MGAT4D: variants seen among roughly 807,000 people sequenced by gnomAD.
The protein encoded by MGAT4D is MGAT4 family member D.
A neutral mutation model predicts 15.9 loss-of-function variants in MGAT4D; 34 were observed. That is an observed-to-expected ratio of 2.14 (90% confidence interval 1.62 to 2.84). The LOEUF (loss-of-function observed/expected upper bound fraction) is 2.84. Among genes scored for constraint, MGAT4D ranks in the 30% most tolerant of loss-of-function variants. The pLI, the probability that MGAT4D is intolerant of heterozygous loss-of-function variation, is 0.00. For synonymous variants in MGAT4D, 112 were observed against 48.2 expected (o/e 2.33, Z -5.49); for missense variants, 327 against 140.2 (o/e 2.33, Z -6.73).
chr4:140,492,240 C>T (rs1733549146), intron 1 of MGAT4D, among the ~76,000 whole-genome samples: 1 of 151,970 alleles, frequency 6.6e-6, no homozygotes, highest in East Asian at 1.9e-4. Flanking sequence ...ACCACTGTGT[C>T]GGGAGAGGAG....
chr4:140,454,968 A>AT (rs1004509943), intron 9 of MGAT4D, among the ~76,000 whole-genome samples: 4 of 152,004 alleles, frequency 2.6e-5, no homozygotes, highest in East Asian at 1.9e-4. Context: ...GATAACCTGT[A>AT]TTTTTTGTCA....
At chr4:140,484,527 C>A (rs929811932) in intron 1 of MGAT4D, among the ~76,000 whole-genome samples, 1 of 152,098 alleles carries the variant, frequency 6.6e-6, no homozygotes, top group Non-Finnish European at 1.5e-5. Flanking sequence ...AAAGCAATAG[C>A]AACAAAAGCC....
intron 2 of MGAT4D, among the ~76,000 whole-genome samples, chr4:140,481,831 A>C (rs1413727715): frequency 6.6e-6 from 1 of 152,232 alleles, no homozygotes; most frequent in Non-Finnish European, 1.5e-5. Flanking sequence ...GGGATGCATA[A>C]GGCAGGACTT....
chr4:140,478,835 C>A (rs1578695900), intron 3 of MGAT4D, among the ~76,000 whole-genome samples: 2 of 151,714 alleles, frequency 1.3e-5, no homozygotes, highest in South Asian at 4.2e-4. Context: ...ATCTCTGTTG[C>A]AACTACTCAG....
chr4:140,490,316 A>G (rs1161256391), intron 1 of MGAT4D, among the ~76,000 whole-genome samples: 1 of 152,200 alleles, frequency 6.6e-6, no homozygotes, highest in Admixed American at 6.5e-5. Flanking sequence ...ATTGCAATTC[A>G]TATAGCCTGG....
chr4:140,454,441 C>G (rs1290710569), intron 9 of MGAT4D, among the ~76,000 whole-genome samples: 1 of 152,086 alleles, frequency 6.6e-6, no homozygotes, highest in East Asian at 1.9e-4. Context: ...GTTTTGTATT[C>G]ATAGGATAAA....
chr4:140,461,878 T>TACAC (rs1491578950), intron 7 of MGAT4D, 51 bp downstream of exon 7: 3 of 516,120 alleles, frequency 5.8e-6, no homozygotes, highest in East Asian at 6.4e-5. Flanking sequence ...ATAATTGGTG[T>TACAC]ATACACACAC....
chr4:140,468,834 C>T (rs919686354), intron 5 of MGAT4D, among the ~76,000 whole-genome samples: 2 of 152,076 alleles, frequency 1.3e-5, no homozygotes, highest in African/African-American at 4.8e-5. Context: ...AGGGGCTTAC[C>T]TCCTTCACAG....
chr4:140,448,994 T>C (rs1007006728), intron 10 of MGAT4D, among the ~76,000 whole-genome samples: 1 of 152,238 alleles, frequency 6.6e-6, no homozygotes, highest in African/African-American at 2.4e-5. Context: ...CAAAGTTAAT[T>C]GGGTGTCCTG....
intron 1 of MGAT4D, among the ~76,000 whole-genome samples, chr4:140,496,135 A>T (rs537200099): frequency 4.2e-4 from 64 of 152,314 alleles, no homozygotes; most frequent in African/African-American, 1.5e-3. Context: ...AGGAATGACA[A>T]CTATAGATTA....
intron 5 of MGAT4D, among the ~76,000 whole-genome samples, chr4:140,470,366 T>C (rs2126773370): frequency 6.6e-6 from 1 of 152,340 alleles, no homozygotes; most frequent in South Asian, 2.1e-4. Flanking sequence ...TTGTTTTGAC[T>C]AGAACAACTA....
At chr4:140,456,921 A>G (rs1218749802) in intron 8 of MGAT4D, 2 of 305,344 alleles carry the variant, frequency 6.5e-6, no homozygotes, top group Non-Finnish European at 1.2e-5. Flanking sequence ...CTGAAGGAGA[A>G]TATAAGCAGG....
chr4:140,445,862 GCTCT>G (rs761919786), intron 10 of MGAT4D, among the ~76,000 whole-genome samples: 120 of 152,158 alleles, frequency 7.9e-4, no homozygotes, highest in Non-Finnish European at 1.5e-3. Flanking sequence ...TTATTTCTGG[GCTCT>G]CTATTTTGTT....
intron 5 of MGAT4D, among the ~76,000 whole-genome samples, chr4:140,466,843 T>C (rs1399927843): frequency 2.0e-5 from 3 of 152,106 alleles, no homozygotes; most frequent in Non-Finnish European, 4.4e-5. Context: ...TCATGTTTTA[T>C]AATGGGTATG....
At chr4:140,483,202 C>T (rs998002432) in intron 1 of MGAT4D, among the ~76,000 whole-genome samples, 2 of 152,034 alleles carry the variant, frequency 1.3e-5, no homozygotes, top group Non-Finnish European at 2.9e-5. Context: ...TTTCAGGATA[C>T]AAAATCAACA....
In MGAT4D at chr4:140,495,854, A is replaced by G. The variant is rs183083776; in HGVS notation, c.94+2275T>C. Among the ~76,000 whole-genome samples the G allele has an allele frequency of 8.5e-5, 13 of 152,206 alleles. 1 individual carries two copies. The South Asian group carries it at 2.3e-3, about 27-fold the overall frequency. ...TGGGTTCAAGCAATCCTCCTGCCTC[A>G]GCCTCCTGAGTAGCTGGGATTACAG... On this transcript the variant is annotated intron_variant, in intron 1 of 10. Transcript: ENST00000511113.
intron 5 of MGAT4D, among the ~76,000 whole-genome samples, chr4:140,471,227 TTTCCTTCC>T (rs200186471): frequency 0.047 from 6,344 of 133,720 alleles, 230 homozygotes; most frequent in East Asian, 0.17. Flanking sequence ...CTCCTTTTTG[TTTCCTTCC>T]TTCCTTCCTT....
chr4:140,454,546 T>C (rs1052960843), intron 9 of MGAT4D, among the ~76,000 whole-genome samples: 4 of 152,194 alleles, frequency 2.6e-5, no homozygotes, highest in African/African-American at 9.6e-5. Flanking sequence ...TTGGGGGATA[T>C]GTGGCCTTGG....
chr4:140,460,661 C>T (rs1301742356), intron 7 of MGAT4D, among the ~76,000 whole-genome samples: 1 of 152,154 alleles, frequency 6.6e-6, no homozygotes, highest in Non-Finnish European at 1.5e-5. Flanking sequence ...CATGGCCAAA[C>T]CCTGCCTATA....
Sources: gnomAD v4.1 joint callset for allele counts (sites outside exome capture counted in the v4.1 genomes callset) on GRCh38, gnomAD v4.1.1 for gene constraint, MANE v1.5 for transcripts, NCBI Gene and HGNC (gene_info 2026-07-23, HGNC 2026-07-21) for gene names.